The following KIAA1217 variants were observed in gnomAD, a reference collection of about 807,000 sequenced individuals.
KIAA1217 encodes the protein sickle tail protein homolog.
A neutral mutation model predicts 163.9 loss-of-function variants in KIAA1217; 88 were observed. The observed-to-expected ratio is 0.54, with a 90% confidence interval of 0.45 to 0.64. KIAA1217 has a LOEUF of 0.64. Among genes scored for constraint, KIAA1217 ranks in the 30% least tolerant of loss-of-function variants. KIAA1217 has a pLI of 0.00. For missense variants in KIAA1217, 2,372 were observed against 2,475.0 expected (o/e 0.96, Z 0.88); for synonymous variants, 903 against 923.1 (o/e 0.98, Z 0.39).
intron 1 of KIAA1217, among the ~76,000 whole-genome samples, chr10:23,756,794 A>G (rs1833943584): frequency 6.6e-6 from 1 of 152,218 alleles, no homozygotes; most frequent in Non-Finnish European, 1.5e-5. Flanking sequence ...TACATTAACC[A>G]TTTTTAAGTG....
intron 2 of KIAA1217, among the ~76,000 whole-genome samples, chr10:24,141,800 G>A (rs914437942): frequency 4.6e-5 from 7 of 152,030 alleles, no homozygotes; most frequent in African/African-American, 1.2e-4. Context: ...GGTCATATGT[G>A]AACACCTGCT....
chr10:23,757,190 A>G (rs1301877319), intron 1 of KIAA1217, among the ~76,000 whole-genome samples: 7 of 152,056 alleles, frequency 4.6e-5, no homozygotes, highest in Admixed American at 2.6e-4. Flanking sequence ...ATGTCTGTGG[A>G]AATATATCTT....
intron 7 of KIAA1217, 116 bp from the exon 8 acceptor site, chr10:24,495,031 C>G: frequency 1.2e-6 from 1 of 814,326 alleles, no homozygotes; most frequent in African/African-American, 1.8e-5. Flanking sequence ...AAAATACCTT[C>G]ATTGCTTAAT....
chr10:23,752,212 T>C (rs1188924367), intron 1 of KIAA1217, among the ~76,000 whole-genome samples: 1 of 152,236 alleles, frequency 6.6e-6, no homozygotes, highest in Non-Finnish European at 1.5e-5. Flanking sequence ...ATCTTGGAAT[T>C]TCGCTAATTA....
At chr10:24,197,050 GCA>G (rs2067023986) in intron 2 of KIAA1217, among the ~76,000 whole-genome samples, 2 of 152,306 alleles carry the variant, frequency 1.3e-5, no homozygotes, top group South Asian at 4.1e-4. Context: ...GAAAGAGTTT[GCA>G]CAGAGTTCTA....
chr10:24,422,018 G>A (rs946634337), intron 3 of KIAA1217, among the ~76,000 whole-genome samples: 1 of 152,154 alleles, frequency 6.6e-6, no homozygotes, highest in Non-Finnish European at 1.5e-5. Context: ...CACATGGCTG[G>A]GGAGGCCTCA....
chr10:24,292,031 C>T (rs1176767933), intron 2 of KIAA1217, among the ~76,000 whole-genome samples: 1 of 152,148 alleles, frequency 6.6e-6, no homozygotes, highest in East Asian at 1.9e-4. Context: ...TTCAATAATA[C>T]TTGAAAACTT....
In KIAA1217 at chr10:24,046,575, C is replaced by G. The variant is rs1455197610; in HGVS notation, c.-171+39201C>G. 3.3e-5 allele frequency among the ~76,000 whole-genome samples: 5 copies of G among 151,954 alleles called. No homozygotes were observed. In the South Asian group the frequency reaches 1.0e-3, roughly 32 times the overall value. ...GGTGAAGCAGGAGAAAAAGAGAGAGCGAAGGAGGAAGTGCCACACTTTTAA... is the reference window on the plus strand; with the variant it reads ...GGTGAAGCAGGAGAAAAAGAGAGAGGGAAGGAGGAAGTGCCACACTTTTAA... On this transcript the variant is annotated intron_variant, in intron 2 of 18. Coordinates refer to the KIAA1217 transcript ENST00000376462.
At chr10:24,520,969 A>G (rs2134565984) in intron 11 of KIAA1217, among the ~76,000 whole-genome samples, 1 of 150,740 alleles carries the variant, frequency 6.6e-6, no homozygotes, top group African/African-American at 2.4e-5. Context: ...AGGCAGGAAA[A>G]TCGCCTGAGG....
intron 1 of KIAA1217, among the ~76,000 whole-genome samples, chr10:23,847,584 G>A (rs1469164120): frequency 6.6e-6 from 1 of 151,978 alleles, no homozygotes; most frequent in Non-Finnish European, 1.5e-5. Context: ...ATTTTTTATT[G>A]CATCTATTTG....
intron 2 of KIAA1217, among the ~76,000 whole-genome samples, chr10:24,179,699 G>T (rs2066077643): frequency 6.6e-6 from 1 of 151,776 alleles, no homozygotes; most frequent in South Asian, 2.1e-4. Context: ...AGTGATTCTT[G>T]TCCCTCAGCC....
At chr10:24,540,369 G>C (rs2074836973) in intron 17 of KIAA1217, among the ~76,000 whole-genome samples, 1 of 152,282 alleles carries the variant, frequency 6.6e-6, no homozygotes, top group African/African-American at 2.4e-5. Flanking sequence ...GAGTAGCTGG[G>C]ATTATAGGTG....
At chr10:23,995,479 T>A (rs1305567266) in intron 1 of KIAA1217, among the ~76,000 whole-genome samples, 2 of 151,100 alleles carry the variant, frequency 1.3e-5, no homozygotes, top group Non-Finnish European at 3.0e-5. Context: ...TGTGTGTGTG[T>A]GTGAGTGTGT....
chr10:23,923,730 C>G (rs1004007859), intron 1 of KIAA1217, among the ~76,000 whole-genome samples: 4 of 152,208 alleles, frequency 2.6e-5, no homozygotes, highest in Admixed American at 6.5e-5. Context: ...GACACCTTGA[C>G]TCTAGCCCAG....
intron 9 of KIAA1217, among the ~76,000 whole-genome samples, chr10:24,509,599 A>T (rs1245006696): frequency 6.6e-6 from 1 of 152,198 alleles, no homozygotes; most frequent in African/African-American, 2.4e-5. Flanking sequence ...CTTGAACAAC[A>T]TGGGGGTTGG....
intron 1 of KIAA1217, among the ~76,000 whole-genome samples, chr10:23,707,618 C>G (rs1434122738): frequency 6.6e-6 from 1 of 152,110 alleles, no homozygotes; most frequent in Non-Finnish European, 1.5e-5. Flanking sequence ...GAAAAATTAC[C>G]TGTTAGATAC....
intron 1 of KIAA1217, among the ~76,000 whole-genome samples, chr10:23,965,882 G>A (rs1478933663): frequency 1.3e-5 from 2 of 152,154 alleles, no homozygotes; most frequent in African/African-American, 4.8e-5. Flanking sequence ...TGTTTAAAAT[G>A]CCCACTAACT....
intron 1 of KIAA1217, among the ~76,000 whole-genome samples, chr10:23,854,953 C>T (rs547764551): frequency 6.6e-6 from 1 of 152,154 alleles, no homozygotes; most frequent in African/African-American, 2.4e-5. Flanking sequence ...ACTGATGGGT[C>T]TTGACTCTTT....
chr10:23,890,611 A>G (rs1387805418), intron 1 of KIAA1217, among the ~76,000 whole-genome samples: 1 of 151,806 alleles, frequency 6.6e-6, no homozygotes, highest in Non-Finnish European at 1.5e-5. Flanking sequence ...AAGCTCACAT[A>G]CTCTGTCAGT....
Sources: gnomAD v4.1 joint callset for allele counts (sites outside exome capture counted in the v4.1 genomes callset) on GRCh38, gnomAD v4.1.1 for gene constraint, MANE v1.5 for transcripts, NCBI Gene and HGNC (gene_info 2026-07-23, HGNC 2026-07-21) for gene names.